The following PTPRD variants were observed in gnomAD, a reference collection of about 807,000 sequenced individuals.
The protein encoded by PTPRD is receptor-type tyrosine-protein phosphatase delta.
In PTPRD, 34 loss-of-function variants were observed where a neutral mutation model predicts 214.5. The ratio of observed to expected loss-of-function variants is 0.16; its 90% CI spans 0.12 to 0.21. The LOEUF (loss-of-function observed/expected upper bound fraction) is 0.21, where lower values mean the gene tolerates loss of function less well. PTPRD is among the 10% of genes least tolerant of loss of function. The pLI is 1.00. For synonymous variants in PTPRD, 1,128 were observed against 845.7 expected, an observed-to-expected ratio of 1.33 and a Z score of -5.79; for missense variants, 2,545 against 2,398.7, an observed-to-expected ratio of 1.06 and a Z score of -1.27.
At chr9:8,756,731 C>T (rs2094014351) in intron 11 of PTPRD, among the ~76,000 whole-genome samples, 1 of 151,800 alleles carries the variant, frequency 6.6e-6, no homozygotes, top group African/African-American at 2.4e-5. Context: ...TTTTCAGAAG[C>T]ATGTATTTTC....
intron 11 of PTPRD, among the ~76,000 whole-genome samples, chr9:8,936,742 A>G (rs2154290700): frequency 6.6e-6 from 1 of 152,280 alleles, no homozygotes; most frequent in Admixed American, 6.5e-5. Context: ...CCACTGAGTG[A>G]TTCTGTTTTC....
At chr9:10,079,908 A>C (rs2098205707) in intron 3 of PTPRD, among the ~76,000 whole-genome samples, 1 of 151,410 alleles carries the variant, frequency 6.6e-6, no homozygotes, top group South Asian at 2.1e-4. Flanking sequence ...AAAACTTCAG[A>C]GTATCCAAGG....
At chr9:10,172,457 T>C (rs1344830654) in intron 3 of PTPRD, among the ~76,000 whole-genome samples, 1 of 152,234 alleles carries the variant, frequency 6.6e-6, no homozygotes, top group African/African-American at 2.4e-5. Context: ...AAATCTTACC[T>C]ACTGAATTAC....
rs539930286 is a variant in PTPRD, at chr9:9,091,352, G to A, written c.-142-72617C>T. ...CTTTAAATAGCTGCGTATTTTTCTG[G>A]AACTGTACATTTCTGTAAATCTCCA... On this transcript the variant is annotated intron_variant, in intron 10 of 45. Coordinates refer to ENST00000381196, the MANE Select transcript of PTPRD (RefSeq NM_002839.4). 6.9e-6 allele frequency: 5 copies of A among 727,136 alleles called. No individual in the cohort carries two copies. The East Asian group carries it at 1.3e-4, about 19-fold the overall frequency. The allele number at this position is 727,136 out of a possible 1,614,324, so 45.0% of individuals were successfully genotyped here. A position where few individuals can be genotyped will look rare whatever the true frequency, so the allele number is the denominator to read the frequency against.
chr9:9,064,282 T>A (rs2099719196), intron 10 of PTPRD, among the ~76,000 whole-genome samples: 1 of 152,190 alleles, frequency 6.6e-6, no homozygotes, highest in Non-Finnish European at 1.5e-5. Context: ...ATTAAAAATA[T>A]GGATGTCATC....
At chr9:9,184,270 A>G (rs776395662) in intron 9 of PTPRD, among the ~76,000 whole-genome samples, 5 of 152,028 alleles carry the variant, frequency 3.3e-5, no homozygotes, top group Non-Finnish European at 7.4e-5. Flanking sequence ...CTAACTGTTC[A>G]CCAAAACATT....
chr9:8,772,651 T>C (rs931107745), intron 11 of PTPRD, among the ~76,000 whole-genome samples: 13 of 152,042 alleles, frequency 8.6e-5, no homozygotes, highest in Admixed American at 5.9e-4. Flanking sequence ...TCTAAAAAAA[T>C]AATAAAAATA....
Position 9,383,281 on chromosome 9 carries a change from C to A in PTPRD, c.-203+14168G>T, listed in dbSNP as rs765097915. Among the ~76,000 whole-genome samples, 37 of 151,892 alleles carry A rather than the reference C, an allele frequency of 2.4e-4. 1 individual carries two copies. Among genetic ancestry groups the A allele is most frequent in the Non-Finnish European group, 7.4e-5 (5 of 67,964 alleles). On this transcript the variant is annotated intron_variant, in intron 9 of 45. Transcript: ENST00000381196. ...ATTTTTTCTCATACTATCCAATGAA[C>A]CAATACCTGCTTTAAACATATTAAA...
intron 2 of PTPRD, among the ~76,000 whole-genome samples, chr9:10,484,854 C>T (rs1042754611): frequency 6.6e-6 from 1 of 151,932 alleles, no homozygotes; most frequent in Non-Finnish European, 1.5e-5. Context: ...TGTGCAGAAG[C>T]TCTACCTTGA....
At chr9:8,720,936 C>T (rs953497544) in intron 12 of PTPRD, among the ~76,000 whole-genome samples, 1 of 152,054 alleles carries the variant, frequency 6.6e-6, no homozygotes, top group African/African-American at 2.4e-5. Flanking sequence ...TTCAGCTGTT[C>T]TGCCTCTTCT....
chr9:9,505,352 C>A (rs575696076), intron 8 of PTPRD, among the ~76,000 whole-genome samples: 5 of 151,614 alleles, frequency 3.3e-5, no homozygotes, highest in Middle Eastern at 6.8e-3. Flanking sequence ...TGTTGGTCTA[C>A]TTTGCCATCA....
intron 10 of PTPRD, among the ~76,000 whole-genome samples, chr9:9,118,303 G>C (rs1317483498): frequency 6.6e-6 from 1 of 152,150 alleles, no homozygotes; most frequent in Admixed American, 6.5e-5. Flanking sequence ...TGGTAAGCTT[G>C]ATCCCAAACC....
At chr9:9,571,461 TA>T (rs2154300633) in intron 8 of PTPRD, among the ~76,000 whole-genome samples, 1 of 151,442 alleles carries the variant, frequency 6.6e-6, no homozygotes, top group East Asian at 1.9e-4. Context: ...CATAATATTT[TA>T]GAAGCAATAA....
chr9:8,520,709 G>C (rs985306532), intron 20 of PTPRD, among the ~76,000 whole-genome samples: 1 of 151,968 alleles, frequency 6.6e-6, no homozygotes, highest in Non-Finnish European at 1.5e-5. Context: ...TTTTTTAAAG[G>C]AAAGAATATT....
rs375052255 is a variant in PTPRD at position 9,711,822 on chromosome 9, G to C, written c.-287+22711C>G. 4.5e-4 allele frequency among the ~76,000 whole-genome samples: 69 copies of C among 152,172 alleles called. No individual in the cohort carries two copies. The South Asian group carries it at 0.014, about 32-fold the overall frequency. On this transcript the variant is annotated intron_variant, in intron 7 of 45. Coordinates refer to ENST00000381196, the MANE Select transcript of PTPRD (RefSeq NM_002839.4). Reference sequence around the variant, plus strand: ...GCCTTTCAAACAGCTCTCTTATTTTGAGCTGGATTCACACAGCCTCAATAA... The same window carrying C: ...GCCTTTCAAACAGCTCTCTTATTTTCAGCTGGATTCACACAGCCTCAATAA...
At chr9:9,544,643 C>A (rs1781116882) in intron 8 of PTPRD, among the ~76,000 whole-genome samples, 2 of 151,720 alleles carry the variant, frequency 1.3e-5, no homozygotes, top group South Asian at 4.1e-4. Flanking sequence ...TCTACATGCA[C>A]TTTTTGCTTT....
At chr9:9,153,312 G>T (rs1408624054) in intron 10 of PTPRD, among the ~76,000 whole-genome samples, 5 of 152,184 alleles carry the variant, frequency 3.3e-5, no homozygotes. Flanking sequence ...GGTAGTTATA[G>T]TTAGCCAAGA....
At chr9:9,956,495 A>T (rs949040522) in intron 4 of PTPRD, among the ~76,000 whole-genome samples, 2 of 152,178 alleles carry the variant, frequency 1.3e-5, no homozygotes, top group African/African-American at 2.4e-5. Flanking sequence ...TAAGTGGATT[A>T]TGTTTCAAGT....
At chr9:8,479,463 A>C (rs2135484528) in intron 30 of PTPRD, among the ~76,000 whole-genome samples, 1 of 152,334 alleles carries the variant, frequency 6.6e-6, no homozygotes, top group Middle Eastern at 3.4e-3. Context: ...CATTTCTGTG[A>C]TGTCAAAGTT....
Sources: allele counts gnomAD v4.1 joint callset (sites outside exome capture counted in the v4.1 genomes callset), GRCh38; gene constraint gnomAD v4.1.1; transcripts MANE v1.5; gene names NCBI Gene and HGNC (gene_info 2026-07-23, HGNC 2026-07-21).